Variants in CLSTN2 observed in about 807,000 individuals in gnomAD.
CLSTN2 encodes calsyntenin-2.
CLSTN2 carries 48 observed loss-of-function variants against 101.2 expected under a neutral mutation model. The observed-to-expected ratio is 0.47, with a 90% CI of 0.38 to 0.60. CLSTN2 has a LOEUF of 0.60. CLSTN2 is among the 20% of genes least tolerant of loss of function. The probability of loss-of-function intolerance (pLI) is 0.00; values close to 1 mark genes in which losing one functional copy is unlikely to be tolerated. For synonymous variants in CLSTN2, 481 were observed against 463.6 expected (o/e 1.04, Z -0.48); for missense variants, 1,160 against 1,238.2 (o/e 0.94, Z 0.95).
chr3:140,264,531 A>T (rs2086679399), intron 2 of CLSTN2, among the ~76,000 whole-genome samples: 1 of 151,480 alleles, frequency 6.6e-6, no homozygotes, highest in Non-Finnish European at 1.5e-5. Context: ...AGACATGAAG[A>T]TGCTTGACCC....
rs57982149 is a variant in CLSTN2, at chr3:140,526,643, C to CAACAA, written c.1345-5679_1345-5678insCAAAA. On this transcript the variant is annotated intron_variant, in intron 8 of 16. Transcript: ENST00000458420. ...AATACTGAGCAAACAACAACAACAA[C>CAACAA]AAAAAAAAAACTGGAGGCATCACAT... Among the ~76,000 whole-genome samples, 6 of 131,998 alleles carry CAACAA rather than the reference C, an allele frequency of 4.5e-5. No individual in the cohort carries two copies. The East Asian group carries it at 8.6e-4, about 19-fold the overall frequency. 86.6% of individuals were successfully genotyped at this position (131,998 alleles called of 152,430 possible).
At chr3:140,312,289 G>A (rs1297304827) in intron 2 of CLSTN2, among the ~76,000 whole-genome samples, 1 of 152,230 alleles carries the variant, frequency 6.6e-6, no homozygotes, top group East Asian at 1.9e-4. Flanking sequence ...TGGCATGTAT[G>A]GATTCTGCAC....
At chr3:140,073,756 G>A (rs560810356) in intron 1 of CLSTN2, among the ~76,000 whole-genome samples, 14 of 152,240 alleles carry the variant, frequency 9.2e-5, no homozygotes, top group Non-Finnish European at 1.5e-4. Context: ...GCACTTCCCT[G>A]CCTAGAAGTG....
At chr3:139,991,584 A>G (rs1936115337) in intron 1 of CLSTN2, among the ~76,000 whole-genome samples, 1 of 152,266 alleles carries the variant, frequency 6.6e-6, no homozygotes, top group Non-Finnish European at 1.5e-5. Flanking sequence ...GAGTTTCAAT[A>G]GGCTGCTACC....
At position 140,176,913 on chromosome 3, in the gene CLSTN2, C is replaced by G. The variant is rs577034480; in HGVS notation, c.232+840C>G. Among the ~76,000 whole-genome samples the G allele has an allele frequency of 7.9e-5, 12 of 152,252 alleles. No individual in the cohort carries two copies. The East Asian group carries it at 2.3e-3, about 29-fold the overall frequency. On this transcript the variant is annotated intron_variant, in intron 2 of 16. Coordinates refer to ENST00000458420, the MANE Select transcript of CLSTN2 (RefSeq NM_022131.3). ...ATGGGTGCCAGGCTGAGGTTTTCAC[C>G]AGGATGAAGTCTATTTTTTTCTGAC...
At chr3:140,314,208 A>C (rs1300903880) in intron 2 of CLSTN2, among the ~76,000 whole-genome samples, 1 of 152,218 alleles carries the variant, frequency 6.6e-6, no homozygotes, top group East Asian at 1.9e-4. Context: ...CTCCTAGGAA[A>C]AAGTTGGGTA....
chr3:140,135,939 C>G (rs954951278), intron 1 of CLSTN2, among the ~76,000 whole-genome samples: 3 of 152,156 alleles, frequency 2.0e-5, no homozygotes, highest in African/African-American at 7.2e-5. Context: ...ATTTAGATCT[C>G]TATCTTGGAG....
intron 2 of CLSTN2, among the ~76,000 whole-genome samples, chr3:140,279,137 A>G (rs1391118115): frequency 1.3e-5 from 2 of 152,180 alleles, no homozygotes; most frequent in Non-Finnish European, 2.9e-5. Context: ...CATTATGCCT[A>G]TGAGATCCAT....
chr3:140,538,542 CTG>C (rs2107782838), intron 9 of CLSTN2, among the ~76,000 whole-genome samples: 2 of 152,316 alleles, frequency 1.3e-5, no homozygotes, highest in Non-Finnish European at 2.9e-5. Flanking sequence ...TATAGGGAAA[CTG>C]GAGCCTCATG....
At chr3:140,360,023 C>CACACAT (rs1178549712) in intron 2 of CLSTN2, among the ~76,000 whole-genome samples, 1 of 135,444 alleles carries the variant, frequency 7.4e-6, no homozygotes, top group Non-Finnish European at 1.7e-5. Flanking sequence ...CACACACACA[C>CACACAT]ACACATATAT....
At chr3:140,166,992 G>A (rs1411678907) in intron 1 of CLSTN2, among the ~76,000 whole-genome samples, 3 of 152,112 alleles carry the variant, frequency 2.0e-5, no homozygotes, top group Admixed American at 6.5e-5. Flanking sequence ...AAAAGACAAA[G>A]CATTTTGTTC....
intron 8 of CLSTN2, among the ~76,000 whole-genome samples, chr3:140,482,262 G>A (rs115479225): frequency 0.08 from 12,117 of 152,174 alleles, 641 homozygotes; most frequent in Non-Finnish European, 0.11. Flanking sequence ...TATGATTTTC[G>A]TATGTTGATC....
At chr3:140,189,521 T>C (rs1375639242) in intron 2 of CLSTN2, among the ~76,000 whole-genome samples, 3 of 152,234 alleles carry the variant, frequency 2.0e-5, no homozygotes, top group Non-Finnish European at 2.9e-5. Context: ...TTTTTACATA[T>C]GCTTATTTTC....
intron 7 of CLSTN2, chr3:140,462,774 A>G (rs1417499224): frequency 6.6e-6 from 1 of 152,146 alleles, no homozygotes; most frequent in African/African-American, 2.4e-5. Context: ...GGCAAGCTCT[A>G]CTTTGCCCAG....
intron 8 of CLSTN2, among the ~76,000 whole-genome samples, chr3:140,479,937 A>T (rs1559882367): frequency 1.3e-5 from 2 of 151,580 alleles, no homozygotes; most frequent in African/African-American, 4.8e-5. Flanking sequence ...GATGACCGAA[A>T]ATAAAGATAA....
At chr3:140,531,878 T>C (rs1290687569) in intron 8 of CLSTN2, among the ~76,000 whole-genome samples, 1 of 152,212 alleles carries the variant, frequency 6.6e-6, no homozygotes, top group African/African-American at 2.4e-5. Flanking sequence ...TGTGTGGGTA[T>C]AAAGTGAGAT....
At chr3:140,048,545 C>T (rs1352386078) in intron 1 of CLSTN2, among the ~76,000 whole-genome samples, 1 of 152,214 alleles carries the variant, frequency 6.6e-6, no homozygotes, top group African/African-American at 2.4e-5. Context: ...TTAGACCTCA[C>T]AACAGCCCTA....
At chr3:140,309,951 G>A (rs370140545) in intron 2 of CLSTN2, among the ~76,000 whole-genome samples, 14 of 152,192 alleles carry the variant, frequency 9.2e-5, no homozygotes, top group South Asian at 2.1e-4. Context: ...ATTTCTCACC[G>A]TGGCGGCTTG....
chr3:140,083,022 T>C lies in CLSTN2; in HGVS notation c.110-92929T>C, dbSNP rs144772719. The stretch of plus-strand genomic sequence containing the variant: ...TTCCGCTGCCTGAGAAAATCTACCT[T>C]ATCCCTTCAATAATTAAACTTTATT... On this transcript the variant is annotated intron_variant, in intron 1 of 16. Transcript: ENST00000458420. 3.1e-3 allele frequency among the ~76,000 whole-genome samples: 474 copies of C among 152,336 alleles called. 4 individuals are homozygous for C. The highest frequency in any genetic ancestry group is 2.7e-3 in the Non-Finnish European group (185 of 68,028).
Sources: gnomAD v4.1 joint callset for allele counts (sites outside exome capture counted in the v4.1 genomes callset) on GRCh38, gnomAD v4.1.1 for gene constraint, MANE v1.5 for transcripts, NCBI Gene and HGNC (gene_info 2026-07-23, HGNC 2026-07-21) for gene names.